The following CEP152 variants were observed in gnomAD, a reference collection of about 807,000 sequenced individuals.
CEP152 encodes centrosomal protein 152, also known as centrosomal protein of 152 kDa.
A neutral mutation model predicts 188.9 loss-of-function variants in CEP152; 132 were observed. That is an observed-to-expected ratio of 0.70 (90% CI 0.61 to 0.81). The LOEUF (loss-of-function observed/expected upper bound fraction) is 0.81, where lower values mean the gene tolerates loss of function less well. CEP152 is among the 30% of genes least tolerant of loss of function. CEP152 has a pLI of 0.00. For synonymous variants in CEP152, 649 were observed against 666.6 expected (o/e 0.97, Z 0.41); for missense variants, 1,914 against 1,969.8 (o/e 0.97, Z 0.54).
rs1260916498 is a variant in CEP152 at position 48,752,009 on chromosome 15, G to A, written c.3466+340C>T. Among the ~76,000 whole-genome samples the A allele has an allele frequency of 2.0e-5, 3 of 152,230 alleles. 1 individual carries two copies. In the South Asian group the frequency reaches 6.2e-4, roughly 32 times the overall value. On this transcript the variant is annotated intron_variant, in intron 21 of 26. Transcript: ENST00000380950. The stretch of plus-strand genomic sequence containing the variant: ...TTCCATTAAAAAGTGATTGAAATTA[G>A]TTTCAGTAATTTGAATGAAAAAGTC...
At chr15:48,799,515 G>C (rs1487139556) in intron 2 of CEP152, among the ~76,000 whole-genome samples, 2 of 152,014 alleles carry the variant, frequency 1.3e-5, no homozygotes, top group Non-Finnish European at 2.9e-5. Context: ...GTCATCTAAA[G>C]ATGCAACAAG....
At chr15:48,729,733 A>T (rs1892359084) in intron 2 of CEP152, 1 of 152,138 alleles carries the variant, frequency 6.6e-6, no homozygotes, top group Non-Finnish European at 1.5e-5. Context: ...TTTTATATAC[A>T]TGTACATACT....
At chr15:48,736,744 A>G (rs1376078604), downstream of CEP152, among the ~76,000 whole-genome samples, 1 of 152,228 alleles carries the variant, frequency 6.6e-6, no homozygotes. Flanking sequence ...AAGGAGCAGA[A>G]AGCAAGAGAA....
intron 9 of CEP152, among the ~76,000 whole-genome samples, chr15:48,786,324 C>T (rs1159317396): frequency 1.3e-5 from 2 of 151,782 alleles, no homozygotes; most frequent in Non-Finnish European, 2.9e-5. Flanking sequence ...ACTATGAGCT[C>T]CAAGAAGCCC....
At chr15:48,793,560 G>C in intron 6 of CEP152, 99 bp from the exon 7 acceptor site, 1 of 1,018,886 alleles carries the variant, frequency 9.8e-7, no homozygotes, top group Non-Finnish European at 1.5e-6. Flanking sequence ...CAACCTTTTA[G>C]AGCATCATGA....
chr15:48,753,002 CA>C (rs1159470023), intron 20 of CEP152, among the ~76,000 whole-genome samples: 1 of 152,128 alleles, frequency 6.6e-6, no homozygotes, highest in Non-Finnish European at 1.5e-5. Context: ...AGCTGAATGC[CA>C]AAGTTAAGGA....
chr15:48,792,812 T>C (rs998468928), intron 7 of CEP152, among the ~76,000 whole-genome samples: 2 of 151,436 alleles, frequency 1.3e-5, no homozygotes, highest in African/African-American at 2.4e-5. Context: ...GACTCCAAAA[T>C]AGAGTGTCTT....
intron 22 of CEP152, among the ~76,000 whole-genome samples, chr15:48,747,875 G>A (rs1337522808): frequency 6.6e-6 from 1 of 152,118 alleles, no homozygotes; most frequent in Admixed American, 6.5e-5. Flanking sequence ...GAATGGACTA[G>A]AAGGAGGCCA....
chr15:48,742,538 A>C (rs1446984992), intron 24 of CEP152, among the ~76,000 whole-genome samples: 2 of 152,222 alleles, frequency 1.3e-5, no homozygotes, highest in African/African-American at 4.8e-5. Flanking sequence ...AGGAGGCAGT[A>C]TGAGCTGGAG....
At chr15:48,803,025 A>T (rs1377635285) in intron 2 of CEP152, among the ~76,000 whole-genome samples, 1 of 152,248 alleles carries the variant, frequency 6.6e-6, no homozygotes, top group Non-Finnish European at 1.5e-5. Context: ...GGCTCTCACA[A>T]ACCCTTAGCA....
downstream of CEP152, among the ~76,000 whole-genome samples, chr15:48,735,057 A>C (rs1892550114): frequency 6.6e-6 from 1 of 152,248 alleles, no homozygotes. Context: ...AAAAGAGCAG[A>C]ATATACATTC....
At chr15:48,782,708 T>A (rs1290268379) in intron 10 of CEP152, among the ~76,000 whole-genome samples, 2 of 152,154 alleles carry the variant, frequency 1.3e-5, no homozygotes, top group Non-Finnish European at 2.9e-5. Context: ...TTCTGAAACT[T>A]TAGAAACCTA....
downstream of CEP152, among the ~76,000 whole-genome samples, chr15:48,733,410 A>G (rs576082550): frequency 5.9e-5 from 9 of 152,238 alleles, no homozygotes; most frequent in Non-Finnish European, 1.2e-4. Flanking sequence ...ATTCCTAGAT[A>G]GGCTAAACAG....
chr15:48,806,484 A>T (rs910147490), intron 1 of CEP152, among the ~76,000 whole-genome samples: 2 of 151,668 alleles, frequency 1.3e-5, no homozygotes, highest in African/African-American at 4.8e-5. Context: ...AAAAGTAGGC[A>T]GGTGTCATCA....
At chr15:48,804,966 T>A (rs181582571) in intron 2 of CEP152, among the ~76,000 whole-genome samples, 48 of 152,344 alleles carry the variant, frequency 3.2e-4, no homozygotes, top group African/African-American at 1.2e-3. Context: ...ATTGGTGTTT[T>A]GGCGTAGACT....
intron 13 of CEP152, 84 bp downstream of exon 13, chr15:48,772,403 C>T: frequency 8.7e-7 from 1 of 1,144,252 alleles, no homozygotes; most frequent in Admixed American, 1.7e-5. Context: ...AGAGTGACGC[C>T]CTGTCTCAAA....
At position 48,741,626 on chromosome 15, in the gene CEP152, C is replaced by T. The variant is rs746733686; in HGVS notation, c.4068G>A (p.Lys1356=). 6.2e-7 allele frequency: 1 copy of T among 1,614,114 alleles called. No individual in the cohort carries two copies. Among genetic ancestry groups the T allele is most frequent in the South Asian group, 1.1e-5 (1 of 91,084 alleles). The part of the protein sequence containing the change: ...AKLLETPISS[K]SQSKTTQSAL... ...CTGACTGTGTAGTTTTGCTTTGGGA[C>T]TTACTAGAAATAGGTGTTTCCAGTA... Residue 1356 remains lysine, a synonymous_variant, in exon 26 of 27, where the codon AAG becomes AAA. Transcript: ENST00000380950.
chr15:48,767,521 A>G (rs1895218889), intron 15 of CEP152, 58 bp from the exon 16 acceptor site: 1 of 1,611,106 alleles, frequency 6.2e-7, no homozygotes, highest in Admixed American at 1.7e-5. Context: ...ACCAAAATGA[A>G]TTGGTTTCCT....
rs138897674 is a variant in CEP152 at position 48,790,854 on chromosome 15, C to A, written c.972+383G>T. On this transcript the variant is annotated intron_variant, in intron 8 of 26. Transcript: ENST00000380950. ...AAGTGCTGGGATTACAGGCGTGAGC[C>A]ACTGCATCCGGCCATCACTTTCATT... 3.3e-3 allele frequency among the ~76,000 whole-genome samples: 502 copies of A among 152,306 alleles called. 1 individual carries two copies. Among genetic ancestry groups the A allele is most frequent in the African/African-American group, 0.012 (482 of 41,552 alleles).
Sources: allele counts gnomAD v4.1 joint callset (sites outside exome capture counted in the v4.1 genomes callset), GRCh38; gene constraint gnomAD v4.1.1; transcripts MANE v1.5; gene names NCBI Gene and HGNC (gene_info 2026-07-23, HGNC 2026-07-21).